EARS2: variants seen among roughly 807,000 people sequenced by gnomAD.
The protein encoded by EARS2 is glutamyl-tRNA synthetase 2, mitochondrial, also known as nondiscriminating glutamyl-tRNA synthetase EARS2, mitochondrial.
In EARS2, 50 loss-of-function variants were observed where a neutral mutation model predicts 54.1. That is an observed-to-expected ratio of 0.92 (90% CI 0.74 to 1.17). The LOEUF (loss-of-function observed/expected upper bound fraction) is 1.17, where lower values mean the gene tolerates loss of function less well. EARS2 is among the 50% of genes most tolerant of loss of function. The pLI is 0.00. For missense variants in EARS2, 673 were observed against 675.0 expected (o/e 1.00, Z 0.03); for synonymous variants, 298 against 281.0 (o/e 1.06, Z -0.61).
chr16:23,536,085 C>T (rs1269093830), intron 3 of EARS2, among the ~76,000 whole-genome samples: 1 of 152,186 alleles, frequency 6.6e-6, no homozygotes, highest in African/African-American at 2.4e-5. Flanking sequence ...TAGCATCAGC[C>T]TCTTGGGAGT....
intron 1 of EARS2, among the ~76,000 whole-genome samples, chr16:23,552,538 T>C (rs1484628729): frequency 6.6e-6 from 1 of 151,888 alleles, no homozygotes; most frequent in Non-Finnish European, 1.5e-5. Flanking sequence ...TCACCCAAGC[T>C]GGAGTGCAGT....
In EARS2 at chr16:23,535,304, T is replaced by G; in HGVS notation, c.542A>C (p.Lys181Thr). ...GAAGCGGATCGCAGGCTTGGGGTCC[T>G]TGGCCAGCTTCTGGGCCACCTGCTC... ...SQEQVAQKLA[K>T]DPKPAIRFRL... Residue 181 changes from lysine to threonine, a missense_variant, in exon 4 of 9, where the codon AAG (lysine) becomes ACG (threonine). Lys to Thr is a moderately conservative substitution (Grantham distance 78). This residue lies in a region of EARS2 where 316 missense variants were observed against 275.2 expected (regional missense o/e 1.15). Coordinates refer to ENST00000449606, the MANE Select transcript of EARS2 (RefSeq NM_001083614.2). The G allele has an allele frequency of 2.5e-6, 4 of 1,603,840 alleles. No individual in the cohort carries two copies. Among genetic ancestry groups the G allele is most frequent in the Non-Finnish European group, 3.4e-6 (4 of 1,179,948 alleles).
At chr16:23,556,498 G>T (rs779701849) in intron 1 of EARS2, among the ~76,000 whole-genome samples, 1 of 152,224 alleles carries the variant, frequency 6.6e-6, no homozygotes, top group Non-Finnish European at 1.5e-5. Context: ...GGGATTACAG[G>T]CATGCGCCAC....
chr16:23,531,809 T>G (rs1965331867), intron 5 of EARS2, among the ~76,000 whole-genome samples: 1 of 152,232 alleles, frequency 6.6e-6, no homozygotes, highest in African/African-American at 2.4e-5. Flanking sequence ...CTGATGGTCT[T>G]GCAAACCACT....
At chr16:23,541,009 A>G (rs1021156606) in intron 3 of EARS2, among the ~76,000 whole-genome samples, 1 of 148,428 alleles carries the variant, frequency 6.7e-6, no homozygotes, top group Non-Finnish European at 1.5e-5. Context: ...AAATAAATAA[A>G]TAAATAACAT....
chr16:23,556,007 T>C (rs1965773997), intron 1 of EARS2, among the ~76,000 whole-genome samples: 1 of 152,266 alleles, frequency 6.6e-6, no homozygotes, highest in Non-Finnish European at 1.5e-5. Context: ...ATTATATTAA[T>C]TTTGTGCAAA....
At chr16:23,534,369 G>A (rs113802248) in intron 4 of EARS2, among the ~76,000 whole-genome samples, 1,731 of 152,276 alleles carry the variant, frequency 0.011, 30 homozygotes, top group African/African-American at 0.04. Context: ...TCAAGGTTTG[G>A]GTCTAAGTCT....
chr16:23,534,269 G>C (rs1477602959), intron 4 of EARS2, among the ~76,000 whole-genome samples: 1 of 152,180 alleles, frequency 6.6e-6, no homozygotes, highest in Non-Finnish European at 1.5e-5. Context: ...TTAATAGTAT[G>C]TTGTGTTAAA....
chr16:23,554,643 G>A (rs1009675681), intron 1 of EARS2, among the ~76,000 whole-genome samples: 2 of 152,122 alleles, frequency 1.3e-5, no homozygotes, highest in African/African-American at 4.8e-5. Flanking sequence ...TTACTGCAAG[G>A]ACACCAGAAA....
At position 23,557,311 on chromosome 16, in the gene EARS2, G is replaced by A. The variant is rs1447326685; in HGVS notation, c.33C>T (p.Arg11=). MAALLRRLLQ[R]ERPSAASGRP... ...GGCCAGAGGCCGCCGAAGGCCTCTC[G>A]CGCTGCAGCAGTCTCCTCAGGAGCG... is the stretch of plus-strand genomic sequence containing the variant. Residue 11 remains arginine, a synonymous_variant, in exon 1 of 9, where the codon CGC becomes CGT. Transcript: ENST00000449606. 5 of 1,522,666 alleles carry A rather than the reference G, an allele frequency of 3.3e-6. No individual in the cohort carries two copies. The South Asian group carries it at 3.6e-5, about 11-fold the overall frequency. The allele number at this position is 1,522,666 out of a possible 1,614,324, so 94.3% of individuals were successfully genotyped here. A position where few individuals can be genotyped will look rare whatever the true frequency, so the allele number is the denominator to read the frequency against.
intron 2 of EARS2, chr16:23,545,349 A>C (rs1476868535): frequency 6.6e-6 from 1 of 152,082 alleles, no homozygotes; most frequent in Non-Finnish European, 1.5e-5. Context: ...AGAAAAAAGC[A>C]TGGTTCAGAG....
intron 2 of EARS2, among the ~76,000 whole-genome samples, chr16:23,547,749 T>C (rs1185800025): frequency 6.6e-6 from 1 of 152,064 alleles, no homozygotes; most frequent in Non-Finnish European, 1.5e-5. Flanking sequence ...GTGATCCGCC[T>C]GCCCAGACAA....
At chr16:23,535,478 T>C in intron 3 of EARS2, 118 bp from the exon 4 acceptor site, 1 of 880,020 alleles carries the variant, frequency 1.1e-6, no homozygotes, top group Non-Finnish European at 1.7e-6. Flanking sequence ...AGCTGCTTCC[T>C]CAGTCTATAA....
intron 2 of EARS2, chr16:23,546,270 GT>G (rs1443302305): frequency 5.0e-6 from 2 of 402,862 alleles, no homozygotes; most frequent in Non-Finnish European, 1.0e-5. Context: ...GGAAGATGGT[GT>G]TTCTGCCCTC....
Position 23,557,273 on chromosome 16 carries a change from C to A in EARS2, c.71G>T (p.Arg24Leu). 1.3e-6 allele frequency: 2 copies of A among 1,519,988 alleles called. No homozygotes were observed. Among genetic ancestry groups the A allele is most frequent in the South Asian group, 1.3e-5 (1 of 79,560 alleles). The allele number at this position is 1,519,988 out of a possible 1,614,324, so 94.2% of individuals were successfully genotyped here. The change falls in exon 1 of 9, where the codon CGG becomes CTG. Residue 24 changes from arginine to leucine, a missense_variant. Coordinates refer to ENST00000449606, the MANE Select transcript of EARS2 (RefSeq NM_001083614.2). ...PSAASGRPVG[R>L]REANLGTDAG... ...ATCAGTGCCCAGGTTGGCCTCGCGC[C>A]GTCCTACGGGGCGGCCAGAGGCCGC...
intron 7 of EARS2, among the ~76,000 whole-genome samples, chr16:23,526,872 G>A (rs753332837): frequency 3.3e-5 from 5 of 152,128 alleles, no homozygotes; most frequent in South Asian, 2.1e-4. Context: ...AATTTGCCTC[G>A]GCCCTGATTG....
At chr16:23,543,797 A>G (rs140259837) in intron 3 of EARS2, among the ~76,000 whole-genome samples, 2,020 of 152,148 alleles carry the variant, frequency 0.013, 50 homozygotes, top group African/African-American at 0.046. Context: ...ACATGATGCC[A>G]TAAGTGGAAA....
At chr16:23,533,666 T>C (rs959911417) in intron 4 of EARS2, among the ~76,000 whole-genome samples, 3 of 152,238 alleles carry the variant, frequency 2.0e-5, no homozygotes, top group South Asian at 2.1e-4. Flanking sequence ...AGTACGCCCA[T>C]TGCCTGGCTG....
At chr16:23,526,216 G>T (rs943490337) in intron 7 of EARS2, among the ~76,000 whole-genome samples, 1 of 147,788 alleles carries the variant, frequency 6.8e-6, no homozygotes, top group Non-Finnish European at 1.5e-5. Context: ...AGGTTCAAGC[G>T]ATTCTCCTGC....
Sources: allele counts gnomAD v4.1 joint callset (sites outside exome capture counted in the v4.1 genomes callset), GRCh38; gene constraint gnomAD v4.1.1; regional missense constraint gnomAD v4.1.1; transcripts MANE v1.5; gene names NCBI Gene and HGNC (gene_info 2026-07-23, HGNC 2026-07-21).